CASP9: variants seen among roughly 807,000 people sequenced by gnomAD.
CASP9 encodes the protein caspase 9, also known as caspase-9.
CASP9 carries 29 observed loss-of-function variants against 43.5 expected under a neutral mutation model. The observed-to-expected ratio is 0.67, with a 90% confidence interval of 0.50 to 0.91. The LOEUF is 0.91. Ranked by LOEUF, CASP9 falls within the 40% of genes least tolerant of loss-of-function variation. CASP9 has a pLI of 0.00. For missense variants in CASP9, 575 were observed against 537.4 expected, an observed-to-expected ratio of 1.07 and a Z score of -0.69; for synonymous variants, 206 against 211.9, an observed-to-expected ratio of 0.97 and a Z score of 0.24.
chr1:15,510,396 C>T (rs1709712152), intron 2 of CASP9, among the ~76,000 whole-genome samples: 1 of 152,128 alleles, frequency 6.6e-6, no homozygotes, highest in Non-Finnish European at 1.5e-5. Context: ...CCATTCACAT[C>T]CCATTTTTAA....
At chr1:15,522,545 C>T (rs947701164) in intron 1 of CASP9, among the ~76,000 whole-genome samples, 2 of 149,566 alleles carry the variant, frequency 1.3e-5, no homozygotes, top group Non-Finnish European at 1.5e-5. Context: ...CCTATCTGTA[C>T]AAAAAAAAAA....
In CASP9 at chr1:15,501,758, AT is replaced by A. The variant is rs200366405; in HGVS notation, c.868+2852del. ...CTACATTATGCCAAATTTGGCTCAT[AT>A]TTTTTTTTTATTTTTTATTTTTTTA... is the stretch of plus-strand genomic sequence containing the variant. On this transcript the variant is annotated intron_variant, in intron 6 of 8. Coordinates refer to ENST00000333868, the MANE Select transcript of CASP9 (RefSeq NM_001229.5). Among the ~76,000 whole-genome samples, 1,123 of 150,302 alleles carry A rather than the reference AT, an allele frequency of 7.5e-3. 14 individuals carry two copies. Among genetic ancestry groups the A allele is most frequent in the East Asian group, 0.023 (117 of 5,128 alleles).
At chr1:15,511,715 C>G (rs993762771) in intron 2 of CASP9, among the ~76,000 whole-genome samples, 1 of 152,174 alleles carries the variant, frequency 6.6e-6, no homozygotes. Context: ...ACCTAGATAC[C>G]TTTATCAATG....
At chr1:15,519,333 CCAT>C (rs1269796479) in intron 1 of CASP9, among the ~76,000 whole-genome samples, 1 of 152,114 alleles carries the variant, frequency 6.6e-6, no homozygotes, top group Non-Finnish European at 1.5e-5. Context: ...GCACCCACCA[CCAT>C]GCCTGGCTAA....
intron 7 of CASP9, among the ~76,000 whole-genome samples, chr1:15,494,458 AG>A (rs1709018430): frequency 1.3e-5 from 2 of 151,726 alleles, no homozygotes; most frequent in African/African-American, 4.8e-5. Flanking sequence ...CCAGCTACTT[AG>A]GAGGCTAAGG....
At chr1:15,493,121 C>T in intron 8 of CASP9, 86 bp from the exon 9 acceptor site, 1 of 1,591,108 alleles carries the variant, frequency 6.3e-7, no homozygotes, top group Non-Finnish European at 8.5e-7. Flanking sequence ...GGAATGTCCA[C>T]TCAACCCGCA....
chr1:15,517,530 C>T (rs1313655539), intron 2 of CASP9, among the ~76,000 whole-genome samples: 1 of 152,162 alleles, frequency 6.6e-6, no homozygotes, highest in Admixed American at 6.5e-5. Flanking sequence ...AGGTAAAAAT[C>T]ACCCAGCTTA....
intron 2 of CASP9, 24 bp from the exon 3 acceptor site, chr1:15,507,931 A>C: frequency 6.2e-7 from 1 of 1,613,876 alleles, no homozygotes. Context: ...GAAAGAGAGA[A>C]ACATGAATGT....
chr1:15,494,127 G>A, intron 7 of CASP9, 126 bp from the exon 8 acceptor site: 1 of 1,122,206 alleles, frequency 8.9e-7, no homozygotes, highest in Non-Finnish European at 1.3e-6. Context: ...CATCCAACAG[G>A]AGCAGCCTGG....
At chr1:15,515,556 A>T (rs1234002664) in intron 2 of CASP9, among the ~76,000 whole-genome samples, 1 of 152,246 alleles carries the variant, frequency 6.6e-6, no homozygotes. Flanking sequence ...TAAATTGTGG[A>T]TTATTCAGAA....
chr1:15,524,278 C>A, upstream of CASP9: 1 of 1,493,990 alleles, frequency 6.7e-7, no homozygotes, highest in Non-Finnish European at 8.8e-7. Flanking sequence ...CCCCAGGACC[C>A]GCCCCCGCCC....
In CASP9 at chr1:15,494,090, C is replaced by A. The variant is rs537005502; in HGVS notation, c.1049-89G>T. The A allele has an allele frequency of 8.7e-6, 13 of 1,501,712 alleles. No homozygotes were observed. In the East Asian group the frequency reaches 3.2e-4, roughly 37 times the overall value. 93.0% of individuals were successfully genotyped at this position (1,501,712 alleles called of 1,614,324 possible). A position where few individuals can be genotyped will look rare whatever the true frequency, so the allele number is the denominator to read the frequency against. On this transcript the variant is annotated intron_variant, in intron 7 of 8. Coordinates refer to ENST00000333868, the MANE Select transcript of CASP9 (RefSeq NM_001229.5). ...CTCTGGCCATGCACGCTGGCTCGGG[C>A]GCCCTCCAGACCTTGACTCATACAT...
rs1316626518 is a variant in CASP9 at position 15,524,095 on chromosome 1, T to G, written c.106A>C (p.Arg36=). 2 of 1,539,520 alleles carry G rather than the reference T, an allele frequency of 1.3e-6. No individual in the cohort carries two copies. Among genetic ancestry groups the G allele is most frequent in the Non-Finnish European group, 1.7e-6 (2 of 1,147,740 alleles). ...TGGATGTCCTCGATCATATGGGGCC[T>G]GAACAGCTCGCGGCTCAGCAGGGCG... ...WDALLSRELF[R]PHMIEDIQRA... Residue 36 remains arginine, a synonymous_variant, in exon 1 of 9, where the codon AGG becomes CGG. Coordinates refer to ENST00000333868, the MANE Select transcript of CASP9 (RefSeq NM_001229.5).
chr1:15,507,850 G>A (rs1709584342), intron 3 of CASP9, 23 bp downstream of exon 3: 1 of 1,613,218 alleles, frequency 6.2e-7, no homozygotes, highest in Non-Finnish European at 8.5e-7. Context: ...CGAGCTACTG[G>A]CCCAAATTTC....
At chr1:15,507,182 G>T in intron 3 of CASP9, 107 bp from the exon 4 acceptor site, 1 of 1,322,034 alleles carries the variant, frequency 7.6e-7, no homozygotes, top group Non-Finnish European at 1.1e-6. Context: ...ACAAGGAGTA[G>T]CAGGGTCTCC....
At position 15,523,157 on chromosome 1, in the gene CASP9, T is replaced by C. The variant is rs1710276884; in HGVS notation, c.132+912A>G. ...CCTCAAATGTTTGACTTCATTATTC[T>C]CCATTCTGCATCAGGTCCCCTCATT... On this transcript the variant is annotated intron_variant, in intron 1 of 8. Coordinates refer to ENST00000333868, the MANE Select transcript of CASP9 (RefSeq NM_001229.5). Among the ~76,000 whole-genome samples, 5 of 152,342 alleles carry C rather than the reference T, an allele frequency of 3.3e-5. No individual in the cohort carries two copies. In the South Asian group the frequency reaches 1.0e-3, roughly 32 times the overall value.
Position 15,491,442 on chromosome 1 carries a change from A to G in CASP9, c.*1501T>C. 1 of 1,300,818 alleles carries G rather than the reference A, an allele frequency of 7.7e-7. No homozygotes were observed. The highest frequency in any genetic ancestry group is 1.3e-5 in the South Asian group (1 of 78,636). 80.6% of individuals were successfully genotyped at this position (1,300,818 alleles called of 1,614,324 possible). On this transcript the variant is annotated 3_prime_UTR_variant, in exon 9 of 9. Transcript: ENST00000333868. ...ATTATTATTATTAATTCAGAAATCC[A>G]TCCTAACATCCAGGGCCCTAAGAAC...
At chr1:15,504,813 C>T in intron 5 of CASP9, 55 bp from the exon 6 acceptor site, 1 of 1,554,494 alleles carries the variant, frequency 6.4e-7, no homozygotes, top group South Asian at 1.2e-5. Flanking sequence ...AGGAATCCAA[C>T]AGCCTGTTCA....
intron 8 of CASP9, chr1:15,493,560 G>T: frequency 7.1e-7 from 1 of 1,416,446 alleles, no homozygotes; most frequent in Non-Finnish European, 9.2e-7. Flanking sequence ...ATATAGGGAG[G>T]GGCCCATGAC....
Sources: gnomAD v4.1 joint callset for allele counts (sites outside exome capture counted in the v4.1 genomes callset) on GRCh38, gnomAD v4.1.1 for gene constraint, MANE v1.5 for transcripts, NCBI Gene and HGNC (gene_info 2026-07-23, HGNC 2026-07-21) for gene names.